MYRIP: variants seen among roughly 807,000 people sequenced by gnomAD.
MYRIP encodes myosin VIIA and Rab interacting protein, also known as rab effector MyRIP.
MYRIP carries 49 observed loss-of-function variants against 98.0 expected under a neutral mutation model. The ratio of observed to expected loss-of-function variants is 0.50; its 90% CI spans 0.40 to 0.63. The LOEUF (loss-of-function observed/expected upper bound fraction) is 0.63. Ranked by LOEUF, MYRIP falls within the 30% of genes least tolerant of loss-of-function variation. MYRIP has a pLI of 0.00. For missense variants in MYRIP, 1,004 were observed against 1,058.2 expected (o/e 0.95, Z 0.71); for synonymous variants, 404 against 409.5 (o/e 0.99, Z 0.16).
At chr3:39,849,469 C>T (rs539030580) in intron 1 of MYRIP, among the ~76,000 whole-genome samples, 10 of 152,248 alleles carry the variant, frequency 6.6e-5, no homozygotes, top group South Asian at 2.1e-4. Flanking sequence ...CTCCGGTCCA[C>T]GGGATGTGAT....
Position 39,900,933 on chromosome 3 carries a change from T to C in MYRIP, c.110+7T>C, listed in dbSNP as rs2125671059. 6.2e-7 allele frequency: 1 copy of C among 1,605,426 alleles called. No homozygotes were observed. The highest frequency in any genetic ancestry group is 2.2e-5 in the East Asian group (1 of 44,860). On this transcript the variant is annotated splice_region_variant and intron_variant, in intron 2 of 16. Coordinates refer to ENST00000302541, the MANE Select transcript of MYRIP (RefSeq NM_015460.4). ...AAGAAGAAGAACGACTAAGGTGAGA[T>C]GCCTGTTTTGCTCAGCAGCGTACAG...
intron 11 of MYRIP, among the ~76,000 whole-genome samples, chr3:40,228,124 C>T (rs1013325758): frequency 2.0e-5 from 3 of 152,118 alleles, no homozygotes; most frequent in Admixed American, 6.5e-5. Flanking sequence ...GGTGCCCACT[C>T]AGGGCCCCCA....
At chr3:39,872,475 T>C (rs1012975628) in intron 1 of MYRIP, among the ~76,000 whole-genome samples, 1 of 150,746 alleles carries the variant, frequency 6.6e-6, no homozygotes, top group Non-Finnish European at 1.5e-5. Flanking sequence ...CTCCTAATGC[T>C]ATCCCTCCCC....
intron 3 of MYRIP, among the ~76,000 whole-genome samples, chr3:40,121,261 C>T (rs1350120324): frequency 6.6e-6 from 1 of 152,166 alleles, no homozygotes; most frequent in Non-Finnish European, 1.5e-5. Context: ...CAGACCAGTT[C>T]AGAAACGTAT....
At chr3:39,946,886 A>G (rs895104358) in intron 2 of MYRIP, among the ~76,000 whole-genome samples, 5 of 152,208 alleles carry the variant, frequency 3.3e-5, no homozygotes, top group African/African-American at 1.2e-4. Context: ...AAACTAATAC[A>G]AATATATCAC....
chr3:39,872,488 TC>T (rs1000149182), intron 1 of MYRIP, among the ~76,000 whole-genome samples: 6 of 68,448 alleles, frequency 8.8e-5, no homozygotes, highest in South Asian at 1.1e-3. Context: ...CCCTCCCCCC[TC>T]CCCCCATCCC....
chr3:40,228,151 A>T (rs750959918), intron 11 of MYRIP, among the ~76,000 whole-genome samples: 14 of 152,142 alleles, frequency 9.2e-5, no homozygotes, highest in Non-Finnish European at 1.9e-4. Context: ...TCTAGAGCTG[A>T]CAGAGCCCTG....
At chr3:39,996,938 G>C (rs1200749239) in intron 2 of MYRIP, among the ~76,000 whole-genome samples, 2 of 152,120 alleles carry the variant, frequency 1.3e-5, no homozygotes, top group African/African-American at 2.4e-5. Context: ...TGACTACTGG[G>C]TACGTAACAA....
chr3:40,201,645 C>A (rs1309632307), intron 10 of MYRIP, among the ~76,000 whole-genome samples: 1 of 151,108 alleles, frequency 6.6e-6, no homozygotes, highest in Non-Finnish European at 1.5e-5. Flanking sequence ...ATGAGAGAAC[C>A]TTGAGAGACT....
At chr3:39,846,487 TTCTC>T (rs937791218) in intron 1 of MYRIP, among the ~76,000 whole-genome samples, 2 of 152,118 alleles carry the variant, frequency 1.3e-5, no homozygotes, top group African/African-American at 4.8e-5. Flanking sequence ...TTCCTTCCCT[TTCTC>T]TCTCCCAAGT....
intron 11 of MYRIP, among the ~76,000 whole-genome samples, chr3:40,210,976 AGTGTCTCCTCT>A (rs67756822): frequency 0.37 from 55,919 of 151,670 alleles, 10,575 homozygotes; most frequent in East Asian, 0.61. Flanking sequence ...ACATTTGTTG[AGTGTCTCCTCT>A]GTGTCTCCTC....
rs1444708900 is a variant in MYRIP, at chr3:40,190,244, C to A, written c.1446C>A (p.Asn482Lys). Residue 482 changes from asparagine to lysine, a missense_variant, in exon 10 of 17, where the codon AAC (asparagine) becomes AAA (lysine). Coordinates refer to ENST00000302541, the MANE Select transcript of MYRIP (RefSeq NM_015460.4). The part of the protein sequence containing the change: ...LSWLQRKAPR[N>K]PAAEKMRLHG... The stretch of plus-strand genomic sequence containing the variant: ...GGTTGCAGAGGAAGGCCCCCAGGAA[C>A]CCTGCAGCTGAGAAGATGCGCTTGC... 6.2e-7 allele frequency: 1 copy of A among 1,613,956 alleles called. No homozygotes were observed. Among genetic ancestry groups the A allele is most frequent in the Non-Finnish European group, 8.5e-7 (1 of 1,180,024 alleles).
chr3:39,952,714 G>C (rs929599766), intron 2 of MYRIP, among the ~76,000 whole-genome samples: 1 of 152,132 alleles, frequency 6.6e-6, no homozygotes, highest in South Asian at 2.1e-4. Context: ...GTGAAGGATT[G>C]GTAGTAATGA....
chr3:40,222,027 A>G (rs1321893037), intron 11 of MYRIP, among the ~76,000 whole-genome samples: 1 of 152,150 alleles, frequency 6.6e-6, no homozygotes, highest in Admixed American at 6.6e-5. Flanking sequence ...TTAGGGCTTA[A>G]CCCAAGAGGG....
chr3:39,830,573 C>A (rs1420043421), intron 1 of MYRIP, among the ~76,000 whole-genome samples: 1 of 152,162 alleles, frequency 6.6e-6, no homozygotes, highest in Non-Finnish European at 1.5e-5. Flanking sequence ...TGCTCACCTG[C>A]CATATCTGCT....
At chr3:40,234,992 CAA>C (rs34515561) in intron 12 of MYRIP, among the ~76,000 whole-genome samples, 1,278 of 111,516 alleles carry the variant, frequency 0.011, 19 homozygotes, top group African/African-American at 0.04. Context: ...GACCCTGTCT[CAA>C]AAAAAAAAAA....
intron 1 of MYRIP, among the ~76,000 whole-genome samples, chr3:39,844,527 T>G (rs1394879978): frequency 6.6e-6 from 1 of 152,242 alleles, no homozygotes; most frequent in Admixed American, 6.5e-5. Flanking sequence ...GGCATCTGAA[T>G]GCCTGGCCAT....
In MYRIP at chr3:40,166,950, C is replaced by T; in HGVS notation, c.648+7C>T. On this transcript the variant is annotated splice_region_variant and intron_variant, in intron 6 of 16. Transcript: ENST00000302541. ...GGCATATGGGGACAGCCTGGTAGGG[C>T]CCCTCCTGCTCCTCTCTGTGGGGGG... 6.2e-7 allele frequency: 1 copy of T among 1,607,534 alleles called. No individual in the cohort carries two copies. The highest frequency in any genetic ancestry group is 8.5e-7 in the Non-Finnish European group (1 of 1,174,150).
intron 3 of MYRIP, among the ~76,000 whole-genome samples, chr3:40,134,255 G>T (rs76114289): frequency 6.6e-6 from 1 of 152,240 alleles, no homozygotes; most frequent in Non-Finnish European, 1.5e-5. Flanking sequence ...CTGGCTCGGA[G>T]GGTCCTACAC....
Sources: gnomAD v4.1 joint callset for allele counts (sites outside exome capture counted in the v4.1 genomes callset) on GRCh38, gnomAD v4.1.1 for gene constraint, MANE v1.5 for transcripts, NCBI Gene and HGNC (gene_info 2026-07-23, HGNC 2026-07-21) for gene names.